IL10RB: variants seen among roughly 807,000 people sequenced by gnomAD.
IL10RB encodes the protein interleukin-10 receptor subunit beta.
Under a neutral mutation model 38.7 loss-of-function variants are expected in IL10RB, and 30 were observed. That is an observed-to-expected ratio of 0.78 (90% CI 0.58 to 1.05). The LOEUF (loss-of-function observed/expected upper bound fraction) is 1.05, where lower values mean the gene tolerates loss of function less well. Among genes scored for constraint, IL10RB ranks in the 50% least tolerant of loss-of-function variants. The pLI is 0.00. For synonymous variants in IL10RB, 142 were observed against 145.9 expected (o/e 0.97, Z 0.19); for missense variants, 328 against 397.1 (o/e 0.83, Z 1.48).
At chr21:33,282,441 C>A (rs1295114488) in intron 4 of IL10RB, among the ~76,000 whole-genome samples, 3 of 152,166 alleles carry the variant, frequency 2.0e-5, no homozygotes. Context: ...GAGGCTGAGG[C>A]AGGAGAATTG....
chr21:33,276,086 C>T (rs371819787), intron 2 of IL10RB, among the ~76,000 whole-genome samples: 4 of 152,218 alleles, frequency 2.6e-5, no homozygotes, highest in African/African-American at 4.8e-5. Context: ...TGCAGACCTT[C>T]GATTTGTAAA....
At chr21:33,302,014 G>A (rs1306107293), downstream of IL10RB, among the ~76,000 whole-genome samples, 1 of 152,192 alleles carries the variant, frequency 6.6e-6, no homozygotes, top group Non-Finnish European at 1.5e-5. Flanking sequence ...ACAGGATGCT[G>A]TCTTAGATTC....
chr21:33,284,199 G>T (rs1478798084), intron 5 of IL10RB, among the ~76,000 whole-genome samples: 1 of 151,656 alleles, frequency 6.6e-6, no homozygotes, highest in African/African-American at 2.4e-5. Flanking sequence ...GGGAGGCTGA[G>T]GTGGGAGAAT....
chr21:33,291,793 G>A (rs955985701), intron 6 of IL10RB, among the ~76,000 whole-genome samples: 2 of 152,154 alleles, frequency 1.3e-5, no homozygotes, highest in South Asian at 2.1e-4. Context: ...CAGTCTCCTC[G>A]GGGAATGCCG....
rs1319181770 is a variant in IL10RB, at chr21:33,296,228, T to C, written c.849T>C (p.Phe283=). 5 of 1,614,162 alleles carry C rather than the reference T, an allele frequency of 3.1e-6. No homozygotes were observed. The highest frequency in any genetic ancestry group is 4.2e-6 in the Non-Finnish European group (5 of 1,179,982). Residue 283 remains phenylalanine, a synonymous_variant, in exon 7 of 7, where the codon TTT becomes TTC. Coordinates refer to ENST00000290200, the MANE Select transcript of IL10RB (RefSeq NM_000628.5). ...PHHNTLLFFS[F]PLSDENDVFD... ...ATAACACACTTCTGTTTTTCTCCTTTCCATTGTCGGATGAGAATGATGTTT... is the reference window on the plus strand; with the variant it reads ...ATAACACACTTCTGTTTTTCTCCTTCCCATTGTCGGATGAGAATGATGTTT...
intron 5 of IL10RB, among the ~76,000 whole-genome samples, chr21:33,284,660 A>C (rs1989342332): frequency 6.6e-6 from 1 of 152,102 alleles, no homozygotes; most frequent in African/African-American, 2.4e-5. Flanking sequence ...TTTCTCATGA[A>C]TGGCTTATCA....
downstream of IL10RB, among the ~76,000 whole-genome samples, chr21:33,298,219 A>C (rs2082975577): frequency 1.3e-5 from 2 of 152,202 alleles, no homozygotes; most frequent in African/African-American, 4.8e-5. Context: ...CATTTTACCT[A>C]ATCAGTCTAG....
At chr21:33,282,882 A>C (rs991139887) in intron 4 of IL10RB, among the ~76,000 whole-genome samples, 1 of 152,178 alleles carries the variant, frequency 6.6e-6, no homozygotes, top group Non-Finnish European at 1.5e-5. Context: ...AAGCTGGAGA[A>C]TTCAGGAACC....
At chr21:33,290,981 G>A (rs1455507317) in intron 6 of IL10RB, among the ~76,000 whole-genome samples, 2 of 152,222 alleles carry the variant, frequency 1.3e-5, no homozygotes, top group South Asian at 2.1e-4. Context: ...GAGGCTGTGA[G>A]GGAGGATCTG....
chr21:33,268,345 A>T (rs1989012102), intron 1 of IL10RB, 49 bp from the exon 2 acceptor site: 1 of 1,613,168 alleles, frequency 6.2e-7, no homozygotes, highest in South Asian at 1.1e-5. Context: ...TTTCATGGGC[A>T]TCTGTTTTGA....
At chr21:33,275,514 G>GT (rs1989154975) in intron 2 of IL10RB, among the ~76,000 whole-genome samples, 1 of 152,166 alleles carries the variant, frequency 6.6e-6, no homozygotes, top group South Asian at 2.1e-4. Flanking sequence ...TGGAGTGTTA[G>GT]GGTCTTGCTG....
At chr21:33,299,154 CTT>C (rs1238621873), downstream of IL10RB, among the ~76,000 whole-genome samples, 1 of 152,222 alleles carries the variant, frequency 6.6e-6, no homozygotes, top group Admixed American at 6.5e-5. Context: ...GAAGCTCTCT[CTT>C]CTTTCTTTCA....
intron 1 of IL10RB, among the ~76,000 whole-genome samples, chr21:33,267,310 C>G (rs1306515766): frequency 6.6e-6 from 1 of 151,872 alleles, no homozygotes; most frequent in African/African-American, 2.4e-5. Context: ...TGGCACTGTT[C>G]CTTTGGGGGA....
chr21:33,279,882 T>C lies in IL10RB; in HGVS notation c.462T>C (p.Tyr154=), dbSNP rs1184252175. ...TMKNVYNSWT[Y]NVQYWKNGTD... ...AGAATGTGTATAACTCATGGACTTA[T>C]AATGTGCAATACTGGAAAAACGGTA... is the stretch of plus-strand genomic sequence containing the variant. The change falls in exon 4 of 7, where the codon TAT becomes TAC. Residue 154 remains tyrosine (Y), a synonymous_variant. Coordinates refer to ENST00000290200, the MANE Select transcript of IL10RB (RefSeq NM_000628.5). 8 of 1,614,000 alleles carry C rather than the reference T, an allele frequency of 5.0e-6. No homozygotes were observed. The highest frequency in any genetic ancestry group is 8.5e-7 in the Non-Finnish European group (1 of 1,179,846).
intron 2 of IL10RB, among the ~76,000 whole-genome samples, chr21:33,269,651 ATTT>A (rs529634707): frequency 4.4e-5 from 6 of 137,306 alleles, no homozygotes; most frequent in Non-Finnish European, 1.6e-5. Context: ...AGATTCACCA[ATTT>A]TTTTTTTTTT....
intron 6 of IL10RB, among the ~76,000 whole-genome samples, chr21:33,290,240 C>T (rs1989459663): frequency 6.6e-6 from 1 of 151,696 alleles, no homozygotes; most frequent in African/African-American, 2.4e-5. Context: ...GCAGTGATCC[C>T]TCACACCACT....
intron 1 of IL10RB, among the ~76,000 whole-genome samples, chr21:33,305,251 G>C (rs542594920): frequency 2.0e-4 from 31 of 152,152 alleles, no homozygotes; most frequent in African/African-American, 6.5e-4. Context: ...AGGAACTACC[G>C]ATGCGCACCA....
At chr21:33,296,090 A>T (rs1478766521) in intron 6 of IL10RB, 94 bp from the exon 7 acceptor site, 69 of 868,396 alleles carry the variant, frequency 7.9e-5, no homozygotes, top group Non-Finnish European at 1.2e-4. Context: ...AATAAAATAG[A>T]TTTTCCAGCC....
downstream of IL10RB, among the ~76,000 whole-genome samples, chr21:33,301,497 G>A (rs1169451459): frequency 6.6e-6 from 1 of 152,208 alleles, no homozygotes; most frequent in East Asian, 1.9e-4. Context: ...TCATGGCAAG[G>A]ACAGACTTTA....
Sources: gnomAD v4.1 joint callset for allele counts (sites outside exome capture counted in the v4.1 genomes callset) on GRCh38, gnomAD v4.1.1 for gene constraint, MANE v1.5 for transcripts, NCBI Gene and HGNC (gene_info 2026-07-23, HGNC 2026-07-21) for gene names.